The following CAST variants were observed in gnomAD, a reference collection of about 807,000 sequenced individuals.
CAST encodes the protein calpastatin.
CAST carries 76 observed loss-of-function variants against 119.6 expected under a neutral mutation model. The ratio of observed to expected loss-of-function variants is 0.64; its 90% CI spans 0.53 to 0.77. The LOEUF (loss-of-function observed/expected upper bound fraction) is 0.77, where lower values mean the gene tolerates loss of function less well. Ranked by LOEUF, CAST falls within the 30% of genes least tolerant of loss-of-function variation. The probability of loss-of-function intolerance (pLI) is 0.00; values close to 1 mark genes in which losing one functional copy is unlikely to be tolerated. For synonymous variants in CAST, 319 were observed against 331.6 expected (o/e 0.96, Z 0.41); for missense variants, 953 against 946.5 (o/e 1.01, Z -0.09).
the CAST span, among the ~76,000 whole-genome samples, chr5:96,239,076 G>A: frequency 6.6e-6 from 1 of 151,820 alleles, no homozygotes; most frequent in Non-Finnish European, 1.5e-5. Flanking sequence ...TGGCACCATT[G>A]GCTATAATTA....
chr5:96,373,772 G>T, the CAST span, among the ~76,000 whole-genome samples: 2 of 151,646 alleles, frequency 1.3e-5, no homozygotes, highest in Non-Finnish European at 2.9e-5. Context: ...TTAAGACAGG[G>T]TCTCAATGTG....
chr5:96,116,009 A>G, the CAST span, among the ~76,000 whole-genome samples: 4 of 151,728 alleles, frequency 2.6e-5, no homozygotes, highest in Non-Finnish European at 4.4e-5. Flanking sequence ...AATTTTGGTA[A>G]TTGTAGATAG....
chr5:96,638,865 A>G (rs1747915365), intron 1 of CAST, among the ~76,000 whole-genome samples: 1 of 152,226 alleles, frequency 6.6e-6, no homozygotes, highest in Non-Finnish European at 1.5e-5. Flanking sequence ...TTACCACTGC[A>G]GAACTTCCCT....
At chr5:96,703,397 G>C (rs954726204) in intron 3 of CAST, among the ~76,000 whole-genome samples, 3 of 152,208 alleles carry the variant, frequency 2.0e-5, no homozygotes, top group Admixed American at 1.3e-4. Flanking sequence ...ACCTTTCTGC[G>C]TACCTGATAC....
At chr5:96,283,071 A>G in the CAST span, among the ~76,000 whole-genome samples, 2 of 148,138 alleles carry the variant, frequency 1.4e-5, no homozygotes, top group African/African-American at 5.0e-5. Flanking sequence ...CGGAGCTTGC[A>G]GTGAGCCGAG....
At chr5:96,579,807 T>C (rs1379868705) in intron 1 of CAST, among the ~76,000 whole-genome samples, 1 of 152,230 alleles carries the variant, frequency 6.6e-6, no homozygotes, top group Non-Finnish European at 1.5e-5. Context: ...CAGTATACTT[T>C]TGAAAAACAA....
chr5:96,401,620 A>G, the CAST span, among the ~76,000 whole-genome samples: 15 of 152,228 alleles, frequency 9.9e-5, no homozygotes, highest in Non-Finnish European at 1.2e-4. Context: ...TGATCAGCCT[A>G]TTTAAAATTT....
chr5:96,485,600 T>C, the CAST span, among the ~76,000 whole-genome samples: 1 of 152,090 alleles, frequency 6.6e-6, no homozygotes, highest in East Asian at 1.9e-4. Context: ...AGTTCGAACC[T>C]GGGACCATTA....
chr5:96,049,539 G>A, the CAST span, among the ~76,000 whole-genome samples: 25 of 152,296 alleles, frequency 1.6e-4, no homozygotes, highest in African/African-American at 5.3e-4. Flanking sequence ...AATGCCTCAG[G>A]GAGGCAGGGT....
intron 1 of CAST, among the ~76,000 whole-genome samples, chr5:96,561,798 T>TTTTGTTTTTG (rs1554067795): frequency 2.0e-4 from 17 of 86,628 alleles, no homozygotes; most frequent in African/African-American, 6.8e-4. Context: ...TTTTTTTTGT[T>TTTTGTTTTTG]TTTTTTTTTT....
chr5:96,143,774 A>G, the CAST span, among the ~76,000 whole-genome samples: 1 of 152,350 alleles, frequency 6.6e-6, no homozygotes, highest in Middle Eastern at 3.4e-3. Flanking sequence ...CTGATTTTGT[A>G]TATTGTAAAA....
chr5:96,455,842 G>C, the CAST span, among the ~76,000 whole-genome samples: 39,391 of 152,070 alleles, frequency 0.26, 5,319 homozygotes, highest in East Asian at 0.42. Flanking sequence ...TTATTTATGT[G>C]TTGATTTGTT....
At chr5:96,767,882 A>T (rs1457356290) in intron 28 of CAST, 25 bp from the exon 29 acceptor site, 2 of 1,506,972 alleles carry the variant, frequency 1.3e-6, no homozygotes, top group Admixed American at 1.7e-5. Flanking sequence ...TTCTTCACTG[A>T]TGGTTATTTC....
the CAST span, among the ~76,000 whole-genome samples, chr5:96,355,187 C>G: frequency 1.3e-5 from 2 of 151,754 alleles, no homozygotes; most frequent in Admixed American, 1.3e-4. Flanking sequence ...CCTAGCCCCC[C>G]ACCCCCTGAC....
At chr5:96,613,338 A>G (rs1747396071) in intron 1 of CAST, among the ~76,000 whole-genome samples, 1 of 152,144 alleles carries the variant, frequency 6.6e-6, no homozygotes, top group South Asian at 2.1e-4. Context: ...TCATTTAAGT[A>G]TTCTCGAAGG....
At chr5:96,158,680 G>A in the CAST span, among the ~76,000 whole-genome samples, 1 of 152,164 alleles carries the variant, frequency 6.6e-6, no homozygotes, top group Non-Finnish European at 1.5e-5. Flanking sequence ...TGTAAAAGGT[G>A]CTTTATGTTT....
the CAST span, among the ~76,000 whole-genome samples, chr5:96,456,126 CG>C: frequency 6.6e-6 from 1 of 152,086 alleles, no homozygotes; most frequent in Admixed American, 6.5e-5. Context: ...AAGGATGACC[CG>C]AGCCCCCTAA....
the CAST span, among the ~76,000 whole-genome samples, chr5:96,467,007 T>C: frequency 6.6e-6 from 1 of 152,200 alleles, no homozygotes; most frequent in South Asian, 2.1e-4. Flanking sequence ...TGTGTTGTCA[T>C]ACATTTTAAC....
intron 25 of CAST, among the ~76,000 whole-genome samples, chr5:96,764,581 C>A (rs1769161949): frequency 6.6e-6 from 1 of 152,164 alleles, no homozygotes; most frequent in South Asian, 2.1e-4. Context: ...CCCTTCCACT[C>A]TCCTGACCCC....
Sources: allele counts gnomAD v4.1 joint callset (sites outside exome capture counted in the v4.1 genomes callset), GRCh38; gene constraint gnomAD v4.1.1; transcripts MANE v1.5; gene names NCBI Gene and HGNC (gene_info 2026-07-23, HGNC 2026-07-21).